Variants in LRP8 observed in about 807,000 individuals in gnomAD.
LRP8 encodes the protein LDL receptor related protein 8, also known as low-density lipoprotein receptor-related protein 8.
Under a neutral mutation model 111.6 loss-of-function variants are expected in LRP8, and 46 were observed. The ratio of observed to expected loss-of-function variants is 0.41; its 90% CI spans 0.33 to 0.53. LRP8 has a LOEUF of 0.53. Among genes scored for constraint, LRP8 ranks in the 20% least tolerant of loss-of-function variants. LRP8 has a pLI of 0.20. For missense variants in LRP8, 959 were observed against 1,297.4 expected (o/e 0.74, Z 4.01); for synonymous variants, 464 against 511.2 (o/e 0.91, Z 1.24).
chr1:53,310,352 C>T (rs1412958697), intron 2 of LRP8, among the ~76,000 whole-genome samples: 3 of 152,134 alleles, frequency 2.0e-5, no homozygotes, highest in Non-Finnish European at 4.4e-5. Context: ...CCCCAGCCCA[C>T]CTCCCACCCT....
At position 53,309,003 on chromosome 1, in the gene LRP8, G is replaced by A. The variant is rs150100668; in HGVS notation, c.244+17870C>T. 9.5e-3 allele frequency among the ~76,000 whole-genome samples: 1,440 copies of A among 152,254 alleles called. 21 individuals are homozygous for A. Among genetic ancestry groups the A allele is most frequent in the African/African-American group, 0.033 (1,370 of 41,540 alleles). On this transcript the variant is annotated intron_variant, in intron 2 of 18. Coordinates refer to ENST00000306052, the MANE Select transcript of LRP8 (RefSeq NM_004631.5). ...GTTAAAGGATCCATGGGCCGGGCAC[G>A]GTGGCTCACACCTGTAATCCCAGCA...
chr1:53,250,966 C>T lies in LRP8; in HGVS notation c.2504-104G>A. The T allele has an allele frequency of 3.2e-6, 3 of 924,032 alleles. No homozygotes were observed. Among genetic ancestry groups the T allele is most frequent in the Non-Finnish European group, 5.1e-6 (3 of 586,592 alleles). The allele number at this position is 924,032 out of a possible 1,614,324, so 57.2% of individuals were successfully genotyped here. On this transcript the variant is annotated intron_variant, in intron 16 of 18. Coordinates refer to ENST00000306052, the MANE Select transcript of LRP8 (RefSeq NM_004631.5). The surrounding 1 kb of genome is among the most constrained non-coding windows in gnomAD (Gnocchi z 4.6). ...ACTCCACTTTTACTACCCTTTGCTC[C>T]TCAGGCTCTGTTTCTGCATGTTCTT...
chr1:53,262,110 G>A lies in LRP8; in HGVS notation c.1872C>T (p.Ser624=), dbSNP rs1327548101. The A allele has an allele frequency of 6.2e-7, 1 of 1,614,064 alleles. No homozygotes were observed. Among genetic ancestry groups the A allele is most frequent in the Non-Finnish European group, 8.5e-7 (1 of 1,180,048 alleles). The change falls in exon 12 of 19, where the codon TCC becomes TCT. Residue 624 remains serine (S), a synonymous_variant. Transcript: ENST00000306052. This position sits in a 1 kb window ranked among gnomAD's most constrained non-coding sequence, Gnocchi z 4.8. ...SGGNRKTLIS[S]TDFLSHPFGI... is the part of the protein sequence containing the mutation. ...CAAAAGGGTGGCTCAGGAAGTCAGT[G>A]GAGGAGATCAGCGTCTTTCTGTTGC... is the stretch of plus-strand genomic sequence containing the variant.
chr1:53,284,717 C>A (rs1647300706), intron 3 of LRP8, among the ~76,000 whole-genome samples: 1 of 152,206 alleles, frequency 6.6e-6, no homozygotes, highest in Admixed American at 6.5e-5. Flanking sequence ...AAGACATTTG[C>A]TGTGTCCCTA....
chr1:53,272,731 G>A (rs1646798048), intron 6 of LRP8: 2 of 1,197,080 alleles, frequency 1.7e-6, no homozygotes, highest in Admixed American at 2.3e-5. Context: ...CAGACCCTTG[G>A]AGGTGGGCTG....
At position 53,262,340 on chromosome 1, in the gene LRP8, T is replaced by C; in HGVS notation, c.1774+106A>G. The C allele has an allele frequency of 6.6e-7, 1 of 1,515,310 alleles. No homozygotes were observed. The allele number at this position is 1,515,310 out of a possible 1,614,324, so 93.9% of individuals were successfully genotyped here. A position where few individuals can be genotyped will look rare whatever the true frequency, so the allele number is the denominator to read the frequency against. On this transcript the variant is annotated intron_variant, in intron 11 of 18. Coordinates refer to ENST00000306052, the MANE Select transcript of LRP8 (RefSeq NM_004631.5). The surrounding 1 kb of genome is among the most constrained non-coding windows in gnomAD (Gnocchi z 4.8). ...CTACGGCAACCATTAGGAAACAAAG[T>C]CACTGGCACCATGAGAGGACCCAGA...
chr1:53,290,431 T>G (rs980375497), intron 2 of LRP8, among the ~76,000 whole-genome samples: 1 of 152,252 alleles, frequency 6.6e-6, no homozygotes, highest in African/African-American at 2.4e-5. Flanking sequence ...TCGTAATGTA[T>G]GAAGAACCTG....
chr1:53,276,425 T>TGGG (rs1646919294), intron 5 of LRP8, among the ~76,000 whole-genome samples: 1 of 67,518 alleles, frequency 1.5e-5, no homozygotes, highest in African/African-American at 6.0e-5. Context: ...GTTCGGGGGA[T>TGGG]GGGGGTGGGA....
At chr1:53,269,011 C>T (rs1646674324) in intron 8 of LRP8, among the ~76,000 whole-genome samples, 1 of 152,244 alleles carries the variant, frequency 6.6e-6, no homozygotes, top group South Asian at 2.1e-4. Flanking sequence ...AAATGTCACA[C>T]CATGTCCCTT....
chr1:53,286,242 G>A (rs546374175), intron 3 of LRP8, among the ~76,000 whole-genome samples: 3 of 152,156 alleles, frequency 2.0e-5, no homozygotes, highest in East Asian at 1.9e-4. Context: ...GGTGCAGAAG[G>A]GGGAGTTACA....
At chr1:53,327,036 C>T in intron 1 of LRP8, 44 bp from the exon 2 acceptor site, 2 of 1,603,514 alleles carry the variant, frequency 1.2e-6, no homozygotes, top group South Asian at 1.1e-5. Flanking sequence ...GGACTCGGCC[C>T]CACTCCCCAC....
At chr1:53,261,580 C>T (rs1439390508) in intron 12 of LRP8, among the ~76,000 whole-genome samples, 1 of 152,226 alleles carries the variant, frequency 6.6e-6, no homozygotes, top group Non-Finnish European at 1.5e-5. Context: ...CTTCGCTCCT[C>T]ACTTTGCTGG....
intron 3 of LRP8, among the ~76,000 whole-genome samples, chr1:53,287,682 C>G (rs1399931216): frequency 6.6e-6 from 1 of 152,188 alleles, no homozygotes; most frequent in Non-Finnish European, 1.5e-5. Flanking sequence ...AGTCTATCAA[C>G]TTCTCTGGGC....
chr1:53,277,428 C>T (rs1646961940), intron 4 of LRP8, among the ~76,000 whole-genome samples: 1 of 152,194 alleles, frequency 6.6e-6, no homozygotes, highest in Non-Finnish European at 1.5e-5. Context: ...ACTGACCCTT[C>T]CCAGGGACCA....
At chr1:53,316,516 G>C (rs1207184331) in intron 2 of LRP8, among the ~76,000 whole-genome samples, 1 of 152,214 alleles carries the variant, frequency 6.6e-6, no homozygotes. Context: ...GGCCCCATGG[G>C]GTTGGATTTC....
intron 3 of LRP8, among the ~76,000 whole-genome samples, chr1:53,284,315 C>A (rs1266946890): frequency 6.6e-6 from 1 of 152,082 alleles, no homozygotes; most frequent in Non-Finnish European, 1.5e-5. Context: ...CATACCTGGG[C>A]CACTTACTGC....
chr1:53,308,497 GCA>G (rs1652414826), intron 2 of LRP8, among the ~76,000 whole-genome samples: 1 of 106,756 alleles, frequency 9.4e-6, no homozygotes, highest in African/African-American at 5.6e-5. Context: ...TTTGGAAAAA[GCA>G]GCAATAAATT....
In LRP8 at chr1:53,327,917, G is replaced by A. The variant is rs1053190174; in HGVS notation, c.-5C>T. On this transcript the variant is annotated 5_prime_UTR_variant, in exon 1 of 19. Transcript: ENST00000306052. ...GCCCGGCTCGGGGAGGCCCATGGCG[G>A]GCCCGGGGCTCCGGCCGCCGCGCCC... The A allele has an allele frequency of 9.6e-6, 12 of 1,246,342 alleles. No individual in the cohort carries two copies. The Admixed American group carries it at 5.0e-4, about 52-fold the overall frequency. The allele number at this position is 1,246,342 out of a possible 1,614,324, so 77.2% of individuals were successfully genotyped here. A position where few individuals can be genotyped will look rare whatever the true frequency, so the allele number is the denominator to read the frequency against.
intron 8 of LRP8, 140 bp downstream of exon 8, chr1:53,270,888 C>G: frequency 5.7e-6 from 7 of 1,227,956 alleles, no homozygotes; most frequent in South Asian, 1.4e-5. Flanking sequence ...GACAAGGGAC[C>G]GAGGATTCCC....
Sources: allele counts gnomAD v4.1 joint callset (sites outside exome capture counted in the v4.1 genomes callset), GRCh38; gene constraint gnomAD v4.1.1; non-coding constraint Gnocchi (gnomAD v3.1); transcripts MANE v1.5; gene names NCBI Gene and HGNC (gene_info 2026-07-23, HGNC 2026-07-21).